The following KIFC3 variants were observed in gnomAD, a reference collection of about 807,000 sequenced individuals.
KIFC3 encodes kinesin family member C3, also known as kinesin-like protein KIFC3.
KIFC3 carries 60 observed loss-of-function variants against 101.8 expected under a neutral mutation model. The ratio of observed to expected loss-of-function variants is 0.59; its 90% CI spans 0.48 to 0.73. The LOEUF is 0.73. Among genes scored for constraint, KIFC3 ranks in the 30% least tolerant of loss-of-function variants. The pLI is 0.00. For synonymous variants in KIFC3, 476 were observed against 482.7 expected, an observed-to-expected ratio of 0.99 and a Z score of 0.18; for missense variants, 966 against 1,137.1, an observed-to-expected ratio of 0.85 and a Z score of 2.16.
intron 13 of KIFC3, among the ~76,000 whole-genome samples, 197 bp from the exon 14 acceptor site, chr16:57,761,733 G>A (rs2049882443): frequency 6.6e-6 from 1 of 150,684 alleles, no homozygotes; most frequent in African/African-American, 2.4e-5. Context: ...AATACAATGA[G>A]CCCCTGTTGG....
intron 1 of KIFC3, among the ~76,000 whole-genome samples, chr16:57,842,293 A>C (rs1409342550): frequency 6.6e-6 from 1 of 152,198 alleles, no homozygotes; most frequent in Admixed American, 6.5e-5. Context: ...TGCAAGCTCC[A>C]GGGGGTCAGA....
intron 3 of KIFC3, chr16:57,773,819 T>C (rs1555610265): frequency 6.6e-6 from 1 of 151,968 alleles, no homozygotes; most frequent in African/African-American, 2.4e-5. Context: ...TCAAACAAGG[T>C]AGTGTTCGGC....
rs781903094 is a variant in KIFC3 at position 57,769,042 on chromosome 16, T to C, written c.1218+553A>G. Among the ~76,000 whole-genome samples, 34 of 152,176 alleles carry C rather than the reference T, an allele frequency of 2.2e-4. No individual in the cohort carries two copies. Among genetic ancestry groups the C allele is most frequent in the Non-Finnish European group, 3.7e-4 (25 of 68,032 alleles). On this transcript the variant is annotated intron_variant, in intron 9 of 19. Transcript: ENST00000445690. The surrounding 1 kb of genome is among the most constrained non-coding windows in gnomAD (Gnocchi z 4.3). ...AAAAAATACGTATGTAGCATGTTTTTTGTTTGTTTTTGAGATAAAGTCTCG... is the reference window on the plus strand; with the variant it reads ...AAAAAATACGTATGTAGCATGTTTTCTGTTTGTTTTTGAGATAAAGTCTCG...
At position 57,789,066 on chromosome 16, in the gene KIFC3, C is replaced by T. The variant is rs538642003; in HGVS notation, c.315+5933G>A. 3.9e-5 allele frequency among the ~76,000 whole-genome samples: 6 copies of T among 152,218 alleles called. No homozygotes were observed. The South Asian group carries it at 1.2e-3, about 31-fold the overall frequency. On this transcript the variant is annotated intron_variant, in intron 3 of 19. Coordinates refer to ENST00000445690, the MANE Select transcript of KIFC3 (RefSeq NM_001130100.2). ...TGGCTTGCTTCCGGTGCGCACACCC[C>T]ACAGGCAACCGTCCAGTCCCACCAC... is the stretch of plus-strand genomic sequence containing the variant.
intron 3 of KIFC3, among the ~76,000 whole-genome samples, chr16:57,787,938 C>A (rs1344488507): frequency 6.6e-6 from 1 of 152,248 alleles, no homozygotes; most frequent in African/African-American, 2.4e-5. Context: ...GTCACACGCT[C>A]TCTTCCTTCC....
At chr16:57,838,049 G>A (rs1056205801) in intron 1 of KIFC3, among the ~76,000 whole-genome samples, 2 of 152,182 alleles carry the variant, frequency 1.3e-5, no homozygotes, top group African/African-American at 4.8e-5. Flanking sequence ...AATATAAGAC[G>A]AGGAAGAAGC....
chr16:57,771,399 C>G lies in KIFC3; in HGVS notation c.564G>C (p.Gln188His). 1 of 1,613,660 alleles carries G rather than the reference C, an allele frequency of 6.2e-7. No homozygotes were observed. Among genetic ancestry groups the G allele is most frequent in the Non-Finnish European group, 8.5e-7 (1 of 1,180,052 alleles). Residue 188 changes from glutamine to histidine, a missense_variant, in exon 6 of 20, where the codon CAG (glutamine) becomes CAC (histidine). Gln to His is a conservative substitution (Grantham distance 24). Transcript: ENST00000445690. ...TGCCTTTGCTTTCCGCCATCTCCAG[C>G]TGCAGCTGGGACAGCTTGTCACGGA... ...AQLRDKLSQL[Q>H]LEMAESKGML...
At chr16:57,798,515 G>A (rs2149220897) in intron 1 of KIFC3, 1 of 580,064 alleles carries the variant, frequency 1.7e-6, no homozygotes, top group Non-Finnish European at 3.0e-6. Context: ...TGCGAAAGTT[G>A]CATATCAGCT....
chr16:57,799,519 C>CA (rs1555624804), intron 1 of KIFC3, among the ~76,000 whole-genome samples: 2 of 152,318 alleles, frequency 1.3e-5, no homozygotes, highest in East Asian at 3.9e-4. Context: ...AGCCCCACTG[C>CA]ACCCAGTCTG....
intron 3 of KIFC3, among the ~76,000 whole-genome samples, chr16:57,785,097 G>C (rs1257952559): frequency 6.6e-6 from 1 of 152,174 alleles, no homozygotes; most frequent in East Asian, 1.9e-4. Context: ...CCCAGTGCAG[G>C]GCACCGTCGA....
chr16:57,760,871 T>A lies in KIFC3; in HGVS notation c.2087A>T (p.His696Leu). Reference protein sequence around the residue: ...AEGSRLREAQHINKSLSALGD... With the variant: ...AEGSRLREAQLINKSLSALGD... ...CAGAGCCGACAGCGACTTGTTGATGTGCTGCGCCTCCCGCAGGCGGCTGCC... is the reference window on the plus strand; with the variant it reads ...CAGAGCCGACAGCGACTTGTTGATGAGCTGCGCCTCCCGCAGGCGGCTGCC... Residue 696 changes from histidine to leucine, a missense_variant, in exon 16 of 20, where the codon CAC (histidine) becomes CTC (leucine). By Grantham distance (99) the His-to-Leu change is moderately conservative (BLOSUM62 -3). This residue lies in a region of KIFC3 where 689 missense variants were observed against 884.6 expected (regional missense o/e 0.78). Coordinates refer to ENST00000445690, the MANE Select transcript of KIFC3 (RefSeq NM_001130100.2). The A allele has an allele frequency of 6.2e-7, 1 of 1,612,460 alleles. No homozygotes were observed.
chr16:57,788,510 C>G, intron 3 of KIFC3: 1 of 1,235,306 alleles, frequency 8.1e-7, no homozygotes, highest in Non-Finnish European at 1.0e-6. Context: ...ACCAACTGCA[C>G]AAGAGCCTCC....
intron 1 of KIFC3, 161 bp from the exon 2 acceptor site, chr16:57,798,443 A>T: frequency 3.0e-6 from 2 of 659,708 alleles, no homozygotes; most frequent in Non-Finnish European, 5.2e-6. Context: ...TAGGGCTCGC[A>T]GGATGAAATG....
At chr16:57,839,638 C>T (rs451359) in intron 1 of KIFC3, among the ~76,000 whole-genome samples, 15 of 152,058 alleles carry the variant, frequency 9.9e-5, no homozygotes, top group South Asian at 6.2e-4. Flanking sequence ...TACCTATCAT[C>T]GTTCCCTTCA....
chr16:57,776,198 C>G (rs1224360030), intron 3 of KIFC3: 4 of 985,414 alleles, frequency 4.1e-6, no homozygotes, highest in Non-Finnish European at 3.6e-6. Flanking sequence ...CAGGCTGAAG[C>G]TGCTGAGCTG....
rs1555617338 is a variant in KIFC3, at chr16:57,785,607, G to C, written c.315+9392C>G. On this transcript the variant is annotated intron_variant, in intron 3 of 19. Transcript: ENST00000445690. ...GCCTCCACCATCCTAAGCACCATGG[G>C]GGCCGCACCTGGTGGCCCCGACAAG... 8 of 1,276,798 alleles carry C rather than the reference G, an allele frequency of 6.3e-6. No homozygotes were observed. The African/African-American group carries it at 1.1e-4, about 17-fold the overall frequency. 79.1% of individuals were successfully genotyped at this position (1,276,798 alleles called of 1,614,324 possible).
intron 1 of KIFC3, among the ~76,000 whole-genome samples, chr16:57,800,970 C>T (rs781959155): frequency 7.9e-5 from 12 of 152,172 alleles, no homozygotes; most frequent in Non-Finnish European, 1.6e-4. Flanking sequence ...ATTACTTTGC[C>T]TCTCCGTACT....
At chr16:57,835,809 A>T (rs2055673706) in intron 1 of KIFC3, among the ~76,000 whole-genome samples, 1 of 152,132 alleles carries the variant, frequency 6.6e-6, no homozygotes, top group Non-Finnish European at 1.5e-5. Context: ...AATTAGCCAG[A>T]TATGGTGGCA....
intron 3 of KIFC3, among the ~76,000 whole-genome samples, chr16:57,790,643 A>G (rs1290305236): frequency 1.3e-5 from 2 of 152,166 alleles, no homozygotes; most frequent in Non-Finnish European, 2.9e-5. Flanking sequence ...TTAAAATAAA[A>G]ATGGTAATAA....
Sources: allele counts gnomAD v4.1 joint callset (sites outside exome capture counted in the v4.1 genomes callset), GRCh38; gene constraint gnomAD v4.1.1; regional missense constraint gnomAD v4.1.1; non-coding constraint Gnocchi (gnomAD v3.1); transcripts MANE v1.5; gene names NCBI Gene and HGNC (gene_info 2026-07-23, HGNC 2026-07-21).